Variants in LEKR1 observed in about 807,000 individuals in gnomAD.
LEKR1 encodes protein LEKR1.
A neutral mutation model predicts 72.4 loss-of-function variants in LEKR1; 59 were observed. The ratio of observed to expected loss-of-function variants is 0.82; its 90% CI spans 0.66 to 1.01. The LOEUF (loss-of-function observed/expected upper bound fraction) is 1.01. LEKR1 is among the 50% of genes least tolerant of loss of function. The pLI is 0.00. For missense variants in LEKR1, 728 were observed against 759.2 expected (o/e 0.96, Z 0.48); for synonymous variants, 257 against 263.2 (o/e 0.98, Z 0.23).
intron 5 of LEKR1, among the ~76,000 whole-genome samples, chr3:156,935,787 A>G (rs183101659): frequency 5.9e-5 from 9 of 152,280 alleles, no homozygotes; most frequent in South Asian, 2.1e-4. Flanking sequence ...TTGAAATAAC[A>G]TTTTGGATAT....
intron 10 of LEKR1, among the ~76,000 whole-genome samples, chr3:157,019,145 A>T (rs1733612531): frequency 6.6e-6 from 1 of 152,202 alleles, no homozygotes; most frequent in Admixed American, 6.5e-5. Context: ...CATATCAAAT[A>T]TAAGCAAATT....
intron 7 of LEKR1, among the ~76,000 whole-genome samples, chr3:156,991,558 A>G (rs1731147019): frequency 6.6e-6 from 1 of 152,100 alleles, no homozygotes; most frequent in Non-Finnish European, 1.5e-5. Flanking sequence ...GTCTGAATAC[A>G]TTTAAATTGG....
intron 6 of LEKR1, among the ~76,000 whole-genome samples, chr3:156,957,167 A>G (rs1036931607): frequency 2.1e-4 from 32 of 152,082 alleles, no homozygotes; most frequent in African/African-American, 7.0e-4. Context: ...GCCCAACACT[A>G]ATGATAGGAG....
chr3:157,030,324 G>A (rs2108038860), intron 12 of LEKR1, among the ~76,000 whole-genome samples: 1 of 152,268 alleles, frequency 6.6e-6, no homozygotes, highest in South Asian at 2.1e-4. Flanking sequence ...TTCAACATGA[G>A]ATTTGGAGTT....
intron 12 of LEKR1, among the ~76,000 whole-genome samples, chr3:157,035,300 A>T (rs541234574): frequency 6.6e-6 from 1 of 152,250 alleles, no homozygotes; most frequent in African/African-American, 2.4e-5. Flanking sequence ...GGTGGAATTG[A>T]AAACAAGGCT....
chr3:156,897,891 T>C (rs991077180), intron 3 of LEKR1, among the ~76,000 whole-genome samples: 1 of 149,944 alleles, frequency 6.7e-6, no homozygotes, highest in African/African-American at 2.5e-5. Context: ...AGGCAGAGGT[T>C]ACAGTGAGCT....
At chr3:156,945,435 G>A (rs1726592460) in intron 6 of LEKR1, among the ~76,000 whole-genome samples, 1 of 151,254 alleles carries the variant, frequency 6.6e-6, no homozygotes, top group Non-Finnish European at 1.5e-5. Flanking sequence ...TGTGATCCCT[G>A]CAGAATGTTT....
intron 5 of LEKR1, among the ~76,000 whole-genome samples, chr3:156,930,860 G>T (rs1725165275): frequency 6.6e-6 from 1 of 152,114 alleles, no homozygotes. Context: ...GAATACCCAT[G>T]TAGAAAAATA....
At position 156,844,160 on chromosome 3, in the gene LEKR1, A is replaced by G. The variant is rs529277986; in HGVS notation, c.49-8608A>G. On this transcript the variant is annotated intron_variant, in intron 2 of 12. Transcript: ENST00000356539. ...GAAGTATATATAGATAGACATAGGC[A>G]TATCATTTATAATTTACATAGGGTA... is the stretch of plus-strand genomic sequence containing the variant. Among the ~76,000 whole-genome samples the G allele has an allele frequency of 3.9e-5, 6 of 152,284 alleles. No homozygotes were observed. The East Asian group carries it at 1.2e-3, about 29-fold the overall frequency.
At chr3:156,881,016 A>G (rs1014766823) in intron 3 of LEKR1, among the ~76,000 whole-genome samples, 1 of 152,232 alleles carries the variant, frequency 6.6e-6, no homozygotes, top group African/African-American at 2.4e-5. Context: ...CATAAGAGCT[A>G]TCTATGACAA....
At chr3:156,940,920 A>C (rs1048425600) in intron 5 of LEKR1, among the ~76,000 whole-genome samples, 35 of 152,188 alleles carry the variant, frequency 2.3e-4, no homozygotes, top group African/African-American at 7.0e-4. Flanking sequence ...TTAAACATAG[A>C]TATCGTTTTG....
intron 10 of LEKR1, among the ~76,000 whole-genome samples, chr3:157,012,780 A>G (rs975173216): frequency 6.6e-6 from 1 of 152,234 alleles, no homozygotes. Flanking sequence ...ATTTTGTAGT[A>G]TAGGCCTTTT....
At chr3:156,922,317 A>G (rs142308207) in intron 4 of LEKR1, among the ~76,000 whole-genome samples, 187 of 152,256 alleles carry the variant, frequency 1.2e-3, no homozygotes, top group African/African-American at 4.3e-3. Flanking sequence ...TATTTTTAAA[A>G]TATCAGGCCA....
intron 9 of LEKR1, among the ~76,000 whole-genome samples, chr3:157,006,240 C>T (rs1489782269): frequency 1.3e-5 from 2 of 151,792 alleles, no homozygotes; most frequent in African/African-American, 4.8e-5. Flanking sequence ...CTCCTGACCT[C>T]ATGATCCACC....
Position 156,910,171 on chromosome 3 carries a change from C to G in LEKR1, c.264-10404C>G, listed in dbSNP as rs969745860. 3.3e-5 allele frequency among the ~76,000 whole-genome samples: 5 copies of G among 152,124 alleles called. No individual in the cohort carries two copies. The East Asian group carries it at 9.7e-4, about 29-fold the overall frequency. ...ATTACTATTTTAGATTCAGGGGGTA[C>G]GTGTGCAGGCTTGTTACATGGGTGT... On this transcript the variant is annotated intron_variant, in intron 3 of 12. Coordinates refer to ENST00000356539, the MANE Select transcript of LEKR1 (RefSeq NM_001004316.3).
At chr3:156,839,826 GGAA>G (rs1414828485) in intron 2 of LEKR1, among the ~76,000 whole-genome samples, 5 of 152,144 alleles carry the variant, frequency 3.3e-5, no homozygotes, top group Admixed American at 2.0e-4. Context: ...AGCAAACGTT[GGAA>G]GAAGGATTGG....
rs766522161 is a variant in LEKR1 at position 157,028,262 on chromosome 3, C to T, written c.1528C>T (p.Arg510Cys). The T allele has an allele frequency of 1.3e-5, 21 of 1,613,366 alleles. No individual in the cohort carries two copies. In the Admixed American group the frequency reaches 1.3e-4, roughly 10 times the overall value. Residue 510 changes from arginine (R) to cysteine (C), a missense_variant, in exon 12 of 13, where the codon CGC (arginine) becomes TGC (cysteine). Transcript: ENST00000356539. ...AAATTTGGTTGCAGAATTTGAATCTCGCTTGAAGAAGGAAATTGACAGTAA... is the reference window on the plus strand; with the variant it reads ...AAATTTGGTTGCAGAATTTGAATCTTGCTTGAAGAAGGAAATTGACAGTAA... ...LKNLVAEFES[R>C]LKKEIDSNDS...
chr3:156,972,313 G>C (rs967218899), intron 6 of LEKR1, among the ~76,000 whole-genome samples: 9 of 151,680 alleles, frequency 5.9e-5, no homozygotes, highest in African/African-American at 2.2e-4. Context: ...GACACAGGAA[G>C]GGGAACATCA....
intron 6 of LEKR1, among the ~76,000 whole-genome samples, chr3:156,966,677 G>T (rs2107988096): frequency 6.6e-6 from 1 of 152,322 alleles, no homozygotes; most frequent in Admixed American, 6.5e-5. Flanking sequence ...AGGCCTGCCT[G>T]CCTCCGTAGA....
Sources: allele counts gnomAD v4.1 joint callset (sites outside exome capture counted in the v4.1 genomes callset), GRCh38; gene constraint gnomAD v4.1.1; transcripts MANE v1.5; gene names NCBI Gene and HGNC (gene_info 2026-07-23, HGNC 2026-07-21).